The following CFAP61 variants were observed in gnomAD, a reference collection of about 807,000 sequenced individuals.
CFAP61 encodes the protein cilia and flagella associated protein 61, also known as cilia- and flagella-associated protein 61.
A neutral mutation model predicts 135.6 loss-of-function variants in CFAP61; 107 were observed. The ratio of observed to expected loss-of-function variants is 0.79; its 90% CI spans 0.67 to 0.93. CFAP61 has a LOEUF of 0.93. Among genes scored for constraint, CFAP61 ranks in the 40% least tolerant of loss-of-function variants. CFAP61 has a pLI of 0.00. For missense variants in CFAP61, 1,507 were observed against 1,556.2 expected, an observed-to-expected ratio of 0.97 and a Z score of 0.53; for synonymous variants, 575 against 578.5, an observed-to-expected ratio of 0.99 and a Z score of 0.09.
intron 24 of CFAP61, among the ~76,000 whole-genome samples, chr20:20,297,300 G>A (rs925436743): frequency 6.6e-6 from 1 of 152,212 alleles, no homozygotes; most frequent in Non-Finnish European, 1.5e-5. Context: ...ATTTCTAAAT[G>A]CCACATTCAA....
intron 25 of CFAP61, among the ~76,000 whole-genome samples, chr20:20,308,363 T>A (rs2056602416): frequency 6.6e-6 from 1 of 151,902 alleles, no homozygotes; most frequent in Non-Finnish European, 1.5e-5. Context: ...GTGATTTCTC[T>A]CTGTGCCTGT....
chr20:20,288,691 G>C lies in CFAP61; in HGVS notation c.2879G>C (p.Arg960Pro). 6.2e-7 allele frequency: 1 copy of C among 1,614,026 alleles called. No individual in the cohort carries two copies. Among genetic ancestry groups the C allele is most frequent in the Non-Finnish European group, 8.5e-7 (1 of 1,179,926 alleles). Residue 960 changes from arginine to proline, a missense_variant, in exon 23 of 27, where the codon CGA becomes CCA. Coordinates refer to ENST00000245957, the MANE Select transcript of CFAP61 (RefSeq NM_015585.4). ...LNDACLVYDS[R>P]LVIDTNFHTN... is the part of the protein sequence containing the mutation. ...GATGCATGTCTTGTGTATGACAGTCGACTTGTGATTGATACCAACTTCCAC... is the reference window on the plus strand; with the variant it reads ...GATGCATGTCTTGTGTATGACAGTCCACTTGTGATTGATACCAACTTCCAC...
intron 25 of CFAP61, among the ~76,000 whole-genome samples, chr20:20,324,111 C>T (rs2057658157): frequency 6.6e-6 from 1 of 152,146 alleles, no homozygotes; most frequent in Non-Finnish European, 1.5e-5. Flanking sequence ...TTAATATTCT[C>T]AATTCTTATG....
chr20:20,346,866 A>G (rs575383266), intron 26 of CFAP61, among the ~76,000 whole-genome samples: 13 of 152,350 alleles, frequency 8.5e-5, no homozygotes, highest in African/African-American at 2.6e-4. Flanking sequence ...CAGAAAATCA[A>G]TAAGGAAATA....
chr20:20,299,207 A>T (rs1404904921), intron 25 of CFAP61, among the ~76,000 whole-genome samples: 1 of 152,236 alleles, frequency 6.6e-6, no homozygotes, highest in African/African-American at 2.4e-5. Flanking sequence ...TGAAATATGT[A>T]TGGACACTTA....
chr20:20,135,662 T>C (rs1218351071), intron 8 of CFAP61, among the ~76,000 whole-genome samples: 2 of 152,220 alleles, frequency 1.3e-5, no homozygotes, highest in African/African-American at 4.8e-5. Context: ...AACTACACTT[T>C]ATCTCCTGGC....
At chr20:20,330,074 G>A (rs746875889) in intron 25 of CFAP61, among the ~76,000 whole-genome samples, 4 of 152,146 alleles carry the variant, frequency 2.6e-5, no homozygotes, top group Non-Finnish European at 4.4e-5. Flanking sequence ...ATCTAGACCA[G>A]TGATGTCCAG....
intron 17 of CFAP61, 99 bp downstream of exon 17, chr20:20,200,001 T>TA: frequency 7.3e-7 from 1 of 1,366,284 alleles, no homozygotes; most frequent in Non-Finnish European, 1.0e-6. Context: ...GGCTGCTTCT[T>TA]AATTACAGGG....
intron 23 of CFAP61, among the ~76,000 whole-genome samples, chr20:20,289,483 G>C (rs1332438578): frequency 6.6e-6 from 1 of 152,210 alleles, no homozygotes; most frequent in African/African-American, 2.4e-5. Context: ...AAATACCTTT[G>C]AAAATGGTGT....
chr20:20,086,736 T>C (rs1395784810), intron 6 of CFAP61, among the ~76,000 whole-genome samples: 2 of 152,184 alleles, frequency 1.3e-5, no homozygotes, highest in Non-Finnish European at 2.9e-5. Context: ...GCTAAAGAAC[T>C]GCTACAGAAT....
At chr20:20,270,765 G>A (rs2147029920) in intron 21 of CFAP61, among the ~76,000 whole-genome samples, 1 of 151,646 alleles carries the variant, frequency 6.6e-6, no homozygotes, top group East Asian at 2.0e-4. Flanking sequence ...TGTGCCCTGG[G>A]TTCAAATGAT....
rs569314512 is a variant in CFAP61 at position 20,121,430 on chromosome 20, A to C, written c.860-21427A>C. Among the ~76,000 whole-genome samples, 5 of 151,884 alleles carry C rather than the reference A, an allele frequency of 3.3e-5. 1 individual carries two copies. In the South Asian group the frequency reaches 1.0e-3, roughly 32 times the overall value. The stretch of plus-strand genomic sequence containing the variant: ...AACACTCTATGTCTTTTAATTAGAG[A>C]ATTGACTTCATTTAAATTCATTGTT... On this transcript the variant is annotated intron_variant, in intron 8 of 26. Coordinates refer to ENST00000245957, the MANE Select transcript of CFAP61 (RefSeq NM_015585.4).
intron 6 of CFAP61, chr20:20,085,158 G>C: frequency 2.0e-6 from 2 of 985,468 alleles, no homozygotes. Flanking sequence ...CGGCCTGTCA[G>C]TGCCAGGGCA....
intron 6 of CFAP61, among the ~76,000 whole-genome samples, chr20:20,084,103 T>C (rs141126206): frequency 2.2e-4 from 33 of 152,290 alleles, no homozygotes; most frequent in African/African-American, 7.2e-4. Context: ...TCCTACCCCA[T>C]GTTGAGATGG....
At chr20:20,150,965 A>G (rs917014136) in intron 9 of CFAP61, among the ~76,000 whole-genome samples, 1 of 152,174 alleles carries the variant, frequency 6.6e-6, no homozygotes, top group South Asian at 2.1e-4. Context: ...AAGGAACCAG[A>G]AAAGAAATTC....
chr20:20,314,162 T>C (rs1006632958), intron 25 of CFAP61, among the ~76,000 whole-genome samples: 2 of 139,232 alleles, frequency 1.4e-5, no homozygotes, highest in Non-Finnish European at 3.0e-5. Flanking sequence ...GCAGGGAGGA[T>C]CACTTGAGCC....
At chr20:20,316,150 A>C (rs2057125741) in intron 25 of CFAP61, among the ~76,000 whole-genome samples, 1 of 151,774 alleles carries the variant, frequency 6.6e-6, no homozygotes, top group South Asian at 2.1e-4. Flanking sequence ...TTTTCACGAT[A>C]TTGATTCTTC....
chr20:20,296,373 TCCTTCCCTCCCTCCC>T (rs2055586953), intron 24 of CFAP61, among the ~76,000 whole-genome samples: 1 of 71,986 alleles, frequency 1.4e-5, no homozygotes, highest in Non-Finnish European at 2.9e-5. Context: ...TCTTCATCCC[TCCTTCCCTCCCTCCC>T]TCCTTCCTGC....
chr20:20,291,655 G>A (rs1048923522), intron 24 of CFAP61, among the ~76,000 whole-genome samples: 1 of 152,194 alleles, frequency 6.6e-6, no homozygotes, highest in Admixed American at 6.5e-5. Flanking sequence ...GGAGCAAGTA[G>A]ATTGCTTAGC....
Sources: allele counts gnomAD v4.1 joint callset (sites outside exome capture counted in the v4.1 genomes callset), GRCh38; gene constraint gnomAD v4.1.1; transcripts MANE v1.5; gene names NCBI Gene and HGNC (gene_info 2026-07-23, HGNC 2026-07-21).